The following TENM2 variants were observed in gnomAD, a reference collection of about 807,000 sequenced individuals.
TENM2 encodes the protein teneurin-2.
In TENM2, 52 loss-of-function variants were observed where a neutral mutation model predicts 245.2. The ratio of observed to expected loss-of-function variants is 0.21; its 90% confidence interval spans 0.17 to 0.27. The LOEUF (loss-of-function observed/expected upper bound fraction) is 0.27. Among genes scored for constraint, TENM2 ranks in the 10% least tolerant of loss-of-function variants. TENM2 has a pLI of 1.00. For missense variants in TENM2, 3,046 were observed against 3,666.8 expected (o/e 0.83, Z 4.37); for synonymous variants, 1,363 against 1,438.9 (o/e 0.95, Z 1.19).
intron 2 of TENM2, among the ~76,000 whole-genome samples, chr5:167,734,094 G>A (rs1296167034): frequency 6.6e-6 from 1 of 152,100 alleles, no homozygotes; most frequent in Non-Finnish European, 1.5e-5. Flanking sequence ...TGGACTTTGG[G>A]GATTTTCTGT....
At chr5:167,239,845 T>C in the TENM2 span, among the ~76,000 whole-genome samples, 1 of 152,350 alleles carries the variant, frequency 6.6e-6, no homozygotes, top group South Asian at 2.1e-4. Flanking sequence ...TGATCTCAGC[T>C]AACCGCAACC....
chr5:167,879,734 A>T (rs1773721050), intron 3 of TENM2, among the ~76,000 whole-genome samples: 1 of 152,166 alleles, frequency 6.6e-6, no homozygotes, highest in South Asian at 2.1e-4. Flanking sequence ...AACTATACAC[A>T]TAAGAAATGT....
chr5:168,090,494 T>G, intron 7 of TENM2, 80 bp from the exon 10 acceptor site: 1 of 1,300,426 alleles, frequency 7.7e-7, no homozygotes, highest in Non-Finnish European at 1.0e-6. Flanking sequence ...CATTAACAAA[T>G]GGGTTCGGGG....
intron 13 of TENM2, among the ~76,000 whole-genome samples, chr5:168,174,369 A>G (rs1351459486): frequency 2.0e-5 from 3 of 152,158 alleles, no homozygotes; most frequent in Admixed American, 6.5e-5. Flanking sequence ...TGTCCTCTGT[A>G]AAGTGGAGCT....
At chr5:167,520,961 AT>A (rs973442615) in intron 2 of TENM2, among the ~76,000 whole-genome samples, 3 of 132,620 alleles carry the variant, frequency 2.3e-5, no homozygotes, top group Admixed American at 8.3e-5. Flanking sequence ...GTGCCAGGTC[AT>A]GTTTACCACA....
intron 2 of TENM2, among the ~76,000 whole-genome samples, chr5:167,428,641 A>G (rs1406654371): frequency 1.3e-5 from 2 of 152,224 alleles, no homozygotes; most frequent in Non-Finnish European, 2.9e-5. Context: ...ACAGTGTGTC[A>G]TACTGAAGGC....
the TENM2 span, among the ~76,000 whole-genome samples, chr5:167,279,257 T>G: frequency 6.6e-6 from 1 of 152,188 alleles, no homozygotes; most frequent in African/African-American, 2.4e-5. Flanking sequence ...ATTGGATTTG[T>G]CCTGCATGGG....
intron 12 of TENM2, among the ~76,000 whole-genome samples, chr5:168,128,131 C>T (rs1795987264): frequency 2.0e-5 from 3 of 152,222 alleles, no homozygotes; most frequent in African/African-American, 7.2e-5. Context: ...CGAGGGGCAG[C>T]ATGCCAATCA....
intron 2 of TENM2, among the ~76,000 whole-genome samples, chr5:167,590,952 A>G (rs1775837407): frequency 6.6e-6 from 1 of 152,242 alleles, no homozygotes; most frequent in South Asian, 2.1e-4. Flanking sequence ...CAAAATGTTC[A>G]TGATATTCAT....
chr5:167,603,255 C>G (rs902665939), intron 2 of TENM2, among the ~76,000 whole-genome samples: 11 of 152,168 alleles, frequency 7.2e-5, no homozygotes, highest in African/African-American at 2.7e-4. Context: ...TGGTGAAACT[C>G]AAGCCAGAGG....
chr5:167,615,226 AT>A (rs34481994), intron 2 of TENM2, among the ~76,000 whole-genome samples: 1 of 151,732 alleles, frequency 6.6e-6, no homozygotes, highest in Admixed American at 6.6e-5. Context: ...GGTGGGGTGA[AT>A]TTTTTTTCTA....
chr5:167,710,237 G>A (rs1425823135), intron 2 of TENM2, among the ~76,000 whole-genome samples: 2 of 152,036 alleles, frequency 1.3e-5, no homozygotes, highest in African/African-American at 4.8e-5. Flanking sequence ...ACACATACAG[G>A]TATACACATG....
At chr5:166,987,944 A>AT in the TENM2 span, among the ~76,000 whole-genome samples, 1 of 152,178 alleles carries the variant, frequency 6.6e-6, no homozygotes, top group Non-Finnish European at 1.5e-5. Flanking sequence ...CATGTAGCGA[A>AT]TATGTAGGTT....
At chr5:167,788,718 A>G (rs1764745820) in intron 2 of TENM2, among the ~76,000 whole-genome samples, 3 of 152,198 alleles carry the variant, frequency 2.0e-5, no homozygotes, top group Admixed American at 1.3e-4. Flanking sequence ...CACGCTCACT[A>G]TGGTCCAATG....
At chr5:167,097,786 A>G in the TENM2 span, among the ~76,000 whole-genome samples, 66 of 152,212 alleles carry the variant, frequency 4.3e-4, no homozygotes, top group African/African-American at 1.5e-3. Flanking sequence ...TTTTCGTGGT[A>G]TGTGTTTTTA....
chr5:167,740,646 G>T (rs1761117866), intron 2 of TENM2, among the ~76,000 whole-genome samples: 1 of 152,126 alleles, frequency 6.6e-6, no homozygotes, highest in Non-Finnish European at 1.5e-5. Flanking sequence ...CACAAATGGG[G>T]TACGGCCAAG....
chr5:167,237,971 C>T, the TENM2 span, among the ~76,000 whole-genome samples: 2 of 145,546 alleles, frequency 1.4e-5, no homozygotes, highest in Non-Finnish European at 3.0e-5. Context: ...GATCATGCCA[C>T]TCCATTCCAG....
At chr5:167,358,610 A>G (rs550443511) in intron 1 of TENM2, among the ~76,000 whole-genome samples, 2 of 151,458 alleles carry the variant, frequency 1.3e-5, no homozygotes, top group East Asian at 2.0e-4. Context: ...ATTCTTTTCT[A>G]TCTACATTTA....
chr5:167,434,962 T>C (rs1372335644), intron 2 of TENM2, among the ~76,000 whole-genome samples: 3 of 152,188 alleles, frequency 2.0e-5, no homozygotes, highest in African/African-American at 7.2e-5. Flanking sequence ...GTTCAGAAAT[T>C]AACAAAATAG....
Sources: gnomAD v4.1 joint callset for allele counts (sites outside exome capture counted in the v4.1 genomes callset) on GRCh38, gnomAD v4.1.1 for gene constraint, MANE v1.5 for transcripts, NCBI Gene and HGNC (gene_info 2026-07-23, HGNC 2026-07-21) for gene names.